GNB1: variants seen among roughly 807,000 people sequenced by gnomAD.
The protein encoded by GNB1 is guanine nucleotide-binding protein G(I)/G(S)/G(T) subunit beta-1.
GNB1 carries 2 observed loss-of-function variants against 42.9 expected under a neutral mutation model. That is an observed-to-expected ratio of 0.05 (90% CI 0.02 to 0.15). The LOEUF is 0.15. Among genes scored for constraint, GNB1 ranks in the 10% least tolerant of loss-of-function variants. The probability of loss-of-function intolerance (pLI) is 1.00; values close to 1 mark genes in which losing one functional copy is unlikely to be tolerated. For synonymous variants in GNB1, 183 were observed against 174.7 expected (o/e 1.05, Z -0.38); for missense variants, 193 against 462.2 (o/e 0.42, Z 5.34).
intron 1 of GNB1, among the ~76,000 whole-genome samples, chr1:1,858,914 T>G (rs1469412741): frequency 6.6e-6 from 1 of 152,090 alleles, no homozygotes; most frequent in Non-Finnish European, 1.5e-5. Context: ...AGGGGTGGGG[T>G]GGGACGGAGT....
chr1:1,872,613 T>C (rs990130242), intron 1 of GNB1, among the ~76,000 whole-genome samples: 1 of 152,296 alleles, frequency 6.6e-6, no homozygotes, highest in East Asian at 1.9e-4. Context: ...CTGCAATCAC[T>C]GCCCTCTCCA....
At chr1:1,840,347 T>TGA (rs1412053586) in intron 1 of GNB1, among the ~76,000 whole-genome samples, 2 of 151,066 alleles carry the variant, frequency 1.3e-5, no homozygotes, top group Non-Finnish European at 2.9e-5. Flanking sequence ...GCCAATATGG[T>TGA]GAAACCTCAT....
chr1:1,829,502 G>A (rs191543073), intron 2 of GNB1, among the ~76,000 whole-genome samples: 1 of 152,324 alleles, frequency 6.6e-6, no homozygotes, highest in African/African-American at 2.4e-5. Flanking sequence ...GGATGAGGCA[G>A]GAGAGACGAG....
chr1:1,791,258 G>A (rs1028837950), intron 8 of GNB1, among the ~76,000 whole-genome samples: 4 of 148,948 alleles, frequency 2.7e-5, no homozygotes, highest in Admixed American at 6.8e-5. Context: ...CACAACCTCC[G>A]CCTCCCGAGT....
intron 2 of GNB1, among the ~76,000 whole-genome samples, chr1:1,826,594 C>T (rs148396174): frequency 6.6e-6 from 1 of 152,176 alleles, no homozygotes; most frequent in Non-Finnish European, 1.5e-5. Context: ...ACACAGCAAT[C>T]CTGAGCACAC....
intron 3 of GNB1, among the ~76,000 whole-genome samples, chr1:1,821,845 A>T (rs1646934027): frequency 6.6e-6 from 1 of 152,202 alleles, no homozygotes; most frequent in South Asian, 2.1e-4. Flanking sequence ...ACTGCCTTAG[A>T]TAAAATTTGT....
At chr1:1,875,720 G>C (rs138232770) in intron 1 of GNB1, among the ~76,000 whole-genome samples, 11 of 152,226 alleles carry the variant, frequency 7.2e-5, no homozygotes, top group African/African-American at 2.2e-4. Flanking sequence ...ACCTCCAACA[G>C]AGACTTCATT....
In GNB1 at chr1:1,789,420, C is replaced by T. The variant is rs1196183895; in HGVS notation, c.700-151G>A. 21 of 606,300 alleles carry T rather than the reference C, an allele frequency of 3.5e-5. No individual in the cohort carries two copies. The East Asian group carries it at 5.1e-4, about 15-fold the overall frequency. 37.6% of individuals were successfully genotyped at this position (606,300 alleles called of 1,614,324 possible). A position where few individuals can be genotyped will look rare whatever the true frequency, so the allele number is the denominator to read the frequency against. ...TAAGAACAGAGGGCTGGGCCGGGTG[C>T]GGTGGCTCATGCCTGTAATCCCAGC... On this transcript the variant is annotated intron_variant, in intron 9 of 11. Coordinates refer to ENST00000378609, the MANE Select transcript of GNB1 (RefSeq NM_002074.5).
At chr1:1,819,543 A>G (rs1267422231) in intron 3 of GNB1, among the ~76,000 whole-genome samples, 1 of 148,334 alleles carries the variant, frequency 6.7e-6, no homozygotes, top group Non-Finnish European at 1.5e-5. Context: ...TAAACTATGT[A>G]TTTATTTATT....
At chr1:1,809,261 G>A (rs1646744434) in intron 5 of GNB1, among the ~76,000 whole-genome samples, 1 of 140,060 alleles carries the variant, frequency 7.1e-6, no homozygotes, top group Non-Finnish European at 1.5e-5. Context: ...TGCAACCTCT[G>A]CCTCCCAGAT....
intron 5 of GNB1, among the ~76,000 whole-genome samples, chr1:1,807,601 C>A (rs1352725199): frequency 6.6e-6 from 1 of 151,752 alleles, no homozygotes; most frequent in Non-Finnish European, 1.5e-5. Context: ...GAATCAAGGT[C>A]TCCTAGAAAC....
chr1:1,823,450 C>T (rs941512837), intron 3 of GNB1, among the ~76,000 whole-genome samples: 6 of 151,720 alleles, frequency 4.0e-5, no homozygotes, highest in African/African-American at 1.5e-4. Flanking sequence ...TTAAGTCAGG[C>T]AAAATTTGAA....
At position 1,790,025 on chromosome 1, in the gene GNB1, C is replaced by T. The variant is rs1239227440; in HGVS notation, c.699+370G>A. On this transcript the variant is annotated intron_variant, in intron 9 of 11. Coordinates refer to ENST00000378609, the MANE Select transcript of GNB1 (RefSeq NM_002074.5). This position sits in a 1 kb window ranked among gnomAD's most constrained non-coding sequence, Gnocchi z 5.4. ...TCCTCACAAGGCCAGGGGCTGGAAA[C>T]ACTGCCTAGCCATCCGCGTGCTAAA... is the stretch of plus-strand genomic sequence containing the variant. 1.3e-5 allele frequency among the ~76,000 whole-genome samples: 2 copies of T among 152,192 alleles called. No individual in the cohort carries two copies. Among genetic ancestry groups the T allele is most frequent in the Non-Finnish European group, 2.9e-5 (2 of 68,034 alleles).
chr1:1,820,216 G>C (rs1394096286), intron 3 of GNB1, among the ~76,000 whole-genome samples: 1 of 151,862 alleles, frequency 6.6e-6, no homozygotes, highest in Non-Finnish European at 1.5e-5. Flanking sequence ...AATTAACCAG[G>C]CATGGTGGCC....
rs544507273 is a variant in GNB1, at chr1:1,825,652, CAGG to C, written c.-46-156_-46-154del. 2.2e-3 allele frequency: 1,137 copies of C among 514,974 alleles called. 24 individuals are homozygous for C. Among genetic ancestry groups the C allele is most frequent in the South Asian group, 0.022 (1,092 of 50,192 alleles). 31.9% of individuals were successfully genotyped at this position (514,974 alleles called of 1,614,324 possible). A position where few individuals can be genotyped will look rare whatever the true frequency, so the allele number is the denominator to read the frequency against. On this transcript the variant is annotated intron_variant, in intron 2 of 11. Transcript: ENST00000378609. ...GGCCGAGGCGGGCAGATCACGAGGT[CAGG>C]AGATCGAGACCATCCTGGCTAACAC...
chr1:1,834,409 T>G (rs1647116904), intron 2 of GNB1, among the ~76,000 whole-genome samples: 1 of 152,172 alleles, frequency 6.6e-6, no homozygotes, highest in African/African-American at 2.4e-5. Flanking sequence ...CTATGGCCTC[T>G]TTTTGCTTTT....
intron 1 of GNB1, among the ~76,000 whole-genome samples, chr1:1,889,112 C>A (rs566447181): frequency 6.6e-6 from 1 of 152,356 alleles, no homozygotes; most frequent in African/African-American, 2.4e-5. Flanking sequence ...AAGACTATCA[C>A]TTCAGATTAG....
chr1:1,841,278 T>A (rs1159053490), intron 1 of GNB1, among the ~76,000 whole-genome samples: 1 of 152,142 alleles, frequency 6.6e-6, no homozygotes, highest in East Asian at 1.9e-4. Context: ...AACCTCTGCA[T>A]CCCAGGTTCC....
At chr1:1,867,219 A>G (rs559856013) in intron 1 of GNB1, among the ~76,000 whole-genome samples, 71 of 152,320 alleles carry the variant, frequency 4.7e-4, no homozygotes, top group African/African-American at 1.7e-3. Context: ...GTGAGCCGAG[A>G]TCAGGCCACT....
Sources: gnomAD v4.1 joint callset for allele counts (sites outside exome capture counted in the v4.1 genomes callset) on GRCh38, gnomAD v4.1.1 for gene constraint, Gnocchi (gnomAD v3.1) non-coding constraint, MANE v1.5 for transcripts, NCBI Gene and HGNC (gene_info 2026-07-23, HGNC 2026-07-21) for gene names.